Variants in CADM2 observed in about 807,000 individuals in gnomAD.
CADM2 encodes immunoglobulin superfamily member 4D.
A neutral mutation model predicts 49.8 loss-of-function variants in CADM2; 12 were observed. The observed-to-expected ratio is 0.24, with a 90% CI of 0.15 to 0.39. The LOEUF (loss-of-function observed/expected upper bound fraction) is 0.39. CADM2 is among the 10% of genes least tolerant of loss of function. The pLI, the probability that CADM2 is intolerant of heterozygous loss-of-function variation, is 1.00. For missense variants in CADM2, 378 were observed against 492.3 expected, an observed-to-expected ratio of 0.77 and a Z score of 2.20; for synonymous variants, 214 against 175.4, an observed-to-expected ratio of 1.22 and a Z score of -1.74.
At chr3:85,961,445 T>C (rs746900632) in intron 7 of CADM2, 24 bp from the exon 8 acceptor site, 2 of 1,538,460 alleles carry the variant, frequency 1.3e-6, no homozygotes, top group South Asian at 1.2e-5. Context: ...TTTTGCTATC[T>C]ACATGCATGT....
intron 2 of CADM2, among the ~76,000 whole-genome samples, chr3:85,754,618 A>G (rs2069016149): frequency 6.6e-6 from 1 of 152,204 alleles, no homozygotes; most frequent in African/African-American, 2.4e-5. Context: ...TTGATTTGCC[A>G]GTTTCAACAT....
chr3:85,315,359 G>C (rs1358896407), intron 1 of CADM2, among the ~76,000 whole-genome samples: 1 of 152,070 alleles, frequency 6.6e-6, no homozygotes, highest in Non-Finnish European at 1.5e-5. Flanking sequence ...TCCTAAATAA[G>C]GTCATATTCT....
At chr3:85,065,663 C>T (rs928109073) in intron 1 of CADM2, among the ~76,000 whole-genome samples, 2 of 152,164 alleles carry the variant, frequency 1.3e-5, no homozygotes, top group Admixed American at 1.3e-4. Flanking sequence ...TGAATAAAGA[C>T]TGATCTTAAA....
chr3:85,423,771 G>C (rs2036277826), intron 1 of CADM2, among the ~76,000 whole-genome samples: 1 of 152,114 alleles, frequency 6.6e-6, no homozygotes, highest in South Asian at 2.1e-4. Flanking sequence ...CTCAGTCTTA[G>C]TTTTATTTCC....
At chr3:85,448,470 T>C (rs887620252) in intron 1 of CADM2, among the ~76,000 whole-genome samples, 3 of 152,160 alleles carry the variant, frequency 2.0e-5, no homozygotes, top group African/African-American at 7.2e-5. Flanking sequence ...GATGTCTTCA[T>C]GATTCTAAAC....
intron 1 of CADM2, among the ~76,000 whole-genome samples, chr3:85,474,898 G>C (rs1323396252): frequency 2.0e-5 from 3 of 151,920 alleles, no homozygotes; most frequent in Admixed American, 6.6e-5. Flanking sequence ...TGCTCCATGT[G>C]TTGATAGTCT....
chr3:85,728,449 A>G (rs1353503608), intron 2 of CADM2, among the ~76,000 whole-genome samples: 1 of 152,216 alleles, frequency 6.6e-6, no homozygotes, highest in Non-Finnish European at 1.5e-5. Context: ...CCATTGCTGA[A>G]GAAAGATATA....
chr3:85,909,853 A>G (rs1717324274), intron 5 of CADM2, among the ~76,000 whole-genome samples: 1 of 152,230 alleles, frequency 6.6e-6, no homozygotes, highest in South Asian at 2.1e-4. Flanking sequence ...AAGGGAAAGC[A>G]GAGATACATT....
intron 7 of CADM2, among the ~76,000 whole-genome samples, chr3:85,954,952 T>TA (rs1029224217): frequency 6.6e-6 from 1 of 151,222 alleles, no homozygotes; most frequent in African/African-American, 2.4e-5. Context: ...ATTAAGTTTT[T>TA]AAAAAACTCC....
In CADM2 at chr3:85,853,055, G is replaced by A. The variant is rs916162738; in HGVS notation, c.239-30236G>A. Among the ~76,000 whole-genome samples the A allele has an allele frequency of 3.9e-5, 6 of 151,988 alleles. No individual in the cohort carries two copies. In the South Asian group the frequency reaches 8.3e-4, roughly 21 times the overall value. ...AAGCATAAATCCCTGGATATAGGTA[G>A]CAACTATTAAAACCACAGCTGGGAC... On this transcript the variant is annotated intron_variant, in intron 3 of 9. Coordinates refer to ENST00000383699, the MANE Select transcript of CADM2 (RefSeq NM_001167675.2).
chr3:85,177,864 T>G (rs2040825868), intron 1 of CADM2, among the ~76,000 whole-genome samples: 1 of 151,962 alleles, frequency 6.6e-6, no homozygotes, highest in Non-Finnish European at 1.5e-5. Context: ...AATATTGTTA[T>G]ATATTATGAA....
intron 1 of CADM2, among the ~76,000 whole-genome samples, chr3:85,603,064 G>A (rs1472488708): frequency 6.6e-6 from 1 of 151,804 alleles, no homozygotes; most frequent in Admixed American, 6.6e-5. Context: ...TAAACACTGT[G>A]TTCATGTCCC....
intron 2 of CADM2, among the ~76,000 whole-genome samples, chr3:85,777,968 T>C (rs987061111): frequency 7.2e-5 from 11 of 152,190 alleles, no homozygotes; most frequent in Non-Finnish European, 1.3e-4. Context: ...GTAGGTGTTA[T>C]ATTGTCTTCA....
chr3:85,684,599 A>T (rs1362762422), intron 1 of CADM2, among the ~76,000 whole-genome samples: 1 of 152,216 alleles, frequency 6.6e-6, no homozygotes, highest in Admixed American at 6.5e-5. Context: ...ATAGAAAAAT[A>T]GGTTTAATGG....
chr3:85,716,547 G>A (rs1453667335), intron 1 of CADM2, among the ~76,000 whole-genome samples: 1 of 152,126 alleles, frequency 6.6e-6, no homozygotes, highest in African/African-American at 2.4e-5. Flanking sequence ...TGTGGCAATT[G>A]TTTCTGGTGT....
chr3:85,947,603 C>T (rs1722905697), intron 7 of CADM2, among the ~76,000 whole-genome samples: 1 of 151,160 alleles, frequency 6.6e-6, no homozygotes, highest in Non-Finnish European at 1.5e-5. Context: ...TTCTGAGGTC[C>T]ATATGGTTGG....
chr3:86,045,768 C>A (rs1271230561), intron 8 of CADM2, among the ~76,000 whole-genome samples: 1 of 152,124 alleles, frequency 6.6e-6, no homozygotes, highest in Non-Finnish European at 1.5e-5. Flanking sequence ...AAACACCATT[C>A]TTCTAATGTG....
chr3:85,224,075 T>C (rs1023260010), intron 1 of CADM2, among the ~76,000 whole-genome samples: 3 of 152,188 alleles, frequency 2.0e-5, no homozygotes, highest in Non-Finnish European at 4.4e-5. Flanking sequence ...CATGTGCACG[T>C]ATCTTTATAG....
intron 1 of CADM2, among the ~76,000 whole-genome samples, chr3:85,200,628 C>T (rs1189759668): frequency 1.3e-5 from 2 of 152,064 alleles, no homozygotes; most frequent in Non-Finnish European, 2.9e-5. Context: ...GAATGAAGAA[C>T]TATGAAACCT....
Sources: gnomAD v4.1 joint callset for allele counts (sites outside exome capture counted in the v4.1 genomes callset) on GRCh38, gnomAD v4.1.1 for gene constraint, MANE v1.5 for transcripts, NCBI Gene and HGNC (gene_info 2026-07-23, HGNC 2026-07-21) for gene names.